Variants in DEPDC5 observed in about 807,000 individuals in gnomAD.
The protein encoded by DEPDC5 is GATOR1 complex protein DEPDC5.
A neutral mutation model predicts 217.3 loss-of-function variants in DEPDC5; 73 were observed. The observed-to-expected ratio is 0.34, with a 90% CI of 0.28 to 0.41. The LOEUF (loss-of-function observed/expected upper bound fraction) is 0.41. DEPDC5 is among the 10% of genes least tolerant of loss of function. DEPDC5 has a pLI of 1.00. For synonymous variants in DEPDC5, 733 were observed against 756.7 expected (o/e 0.97, Z 0.51); for missense variants, 1,675 against 2,070.1 (o/e 0.81, Z 3.70).
intron 7 of DEPDC5, among the ~76,000 whole-genome samples, chr22:31,772,598 T>C (rs2083457271): frequency 6.6e-6 from 1 of 152,142 alleles, no homozygotes; most frequent in Admixed American, 6.6e-5. Context: ...TTGCATATTC[T>C]GTGTGTTTCG....
intron 33 of DEPDC5, among the ~76,000 whole-genome samples, 190 bp downstream of exon 33, chr22:31,861,623 G>A (rs532234088): frequency 2.2e-4 from 34 of 152,326 alleles, no homozygotes; most frequent in African/African-American, 7.9e-4. Context: ...GATGGAAGAG[G>A]TTAATGTAGA....
chr22:31,868,766 T>C (rs2092757587), intron 33 of DEPDC5, among the ~76,000 whole-genome samples: 1 of 152,208 alleles, frequency 6.6e-6, no homozygotes, highest in Non-Finnish European at 1.5e-5. Context: ...GCTAACAAAA[T>C]ATCTGATAGA....
chr22:31,870,483 T>G (rs954247013), intron 33 of DEPDC5, 107 bp from the exon 34 acceptor site: 72 of 1,244,380 alleles, frequency 5.8e-5, no homozygotes, highest in Non-Finnish European at 6.1e-5. Context: ...AATTTTTGTT[T>G]ATTTTTTGTG....
At chr22:31,789,507 AT>A (rs953652469) in intron 10 of DEPDC5, among the ~76,000 whole-genome samples, 23 of 152,236 alleles carry the variant, frequency 1.5e-4, no homozygotes, top group African/African-American at 5.1e-4. Flanking sequence ...TCAGTTTGGG[AT>A]TTCCTGTTGG....
chr22:31,815,435 A>G (rs1298983189), intron 21 of DEPDC5: 11 of 676,222 alleles, frequency 1.6e-5, no homozygotes, highest in Non-Finnish European at 2.6e-5. Flanking sequence ...GATAAAGTGC[A>G]GTGATGCAAT....
At chr22:31,839,855 A>G (rs998682742) in intron 27 of DEPDC5, among the ~76,000 whole-genome samples, 2 of 152,174 alleles carry the variant, frequency 1.3e-5, no homozygotes, top group African/African-American at 2.4e-5. Context: ...GTTAATAAGT[A>G]TATGAATTTG....
intron 38 of DEPDC5, among the ~76,000 whole-genome samples, chr22:31,885,738 A>AG (rs2093293161): frequency 6.8e-6 from 1 of 146,122 alleles, no homozygotes; most frequent in African/African-American, 2.5e-5. Flanking sequence ...AAAAAAAAAA[A>AG]AAAAGAGACA....
chr22:31,847,070 C>G, intron 31 of DEPDC5, 103 bp downstream of exon 31: 4 of 1,527,250 alleles, frequency 2.6e-6, no homozygotes, highest in Non-Finnish European at 3.6e-6. Context: ...TTACAAGGAG[C>G]TTGTAATTAG....
At chr22:31,786,117 C>T (rs544460582) in intron 10 of DEPDC5, among the ~76,000 whole-genome samples, 5 of 151,846 alleles carry the variant, frequency 3.3e-5, no homozygotes, top group South Asian at 4.2e-4. Context: ...ATTAGCCAGG[C>T]GTGGTGGTTG....
At chr22:31,790,744 T>C (rs1294875464) in intron 10 of DEPDC5, among the ~76,000 whole-genome samples, 1 of 145,450 alleles carries the variant, frequency 6.9e-6, no homozygotes, top group Non-Finnish European at 1.5e-5. Context: ...TCTTTTTTTT[T>C]TTCTTTTTTT....
chr22:31,844,906 A>C, intron 29 of DEPDC5, 112 bp from the exon 30 acceptor site: 1 of 1,068,732 alleles, frequency 9.4e-7, no homozygotes, highest in Non-Finnish European at 1.4e-6. Context: ...AAATGAGCAC[A>C]TACTCATGGG....
chr22:31,823,005 A>T (rs1602171239), intron 24 of DEPDC5: 1 of 498,162 alleles, frequency 2.0e-6, no homozygotes, highest in East Asian at 3.8e-5. Context: ...GTCAAGCCAC[A>T]TTTATCATCA....
At chr22:31,826,903 T>G (rs941430324) in intron 24 of DEPDC5, among the ~76,000 whole-genome samples, 3 of 151,918 alleles carry the variant, frequency 2.0e-5, no homozygotes, top group Non-Finnish European at 4.4e-5. Context: ...CATAGTTTTT[T>G]TTTTTTTTTT....
intron 39 of DEPDC5, among the ~76,000 whole-genome samples, chr22:31,895,298 A>G (rs572635527): frequency 6.6e-6 from 1 of 152,186 alleles, no homozygotes; most frequent in Non-Finnish European, 1.5e-5. Context: ...AGATGTCACA[A>G]GTGCCAAGGT....
intron 23 of DEPDC5, among the ~76,000 whole-genome samples, chr22:31,822,114 C>T (rs1294862570): frequency 6.6e-6 from 1 of 152,216 alleles, no homozygotes; most frequent in Non-Finnish European, 1.5e-5. Context: ...AGAAACAACT[C>T]TTTTTGAACC....
Position 31,874,336 on chromosome 22 carries a change from G to A in DEPDC5, c.3627G>A (p.Glu1209=). The A allele has an allele frequency of 6.2e-7, 1 of 1,611,064 alleles. No individual in the cohort carries two copies. The highest frequency in any genetic ancestry group is 8.5e-7 in the Non-Finnish European group (1 of 1,178,714). The change falls in exon 36 of 43, where the codon GAG becomes GAA. Residue 1209 remains glutamate (E), a synonymous_variant. Coordinates refer to ENST00000651528, the MANE Select transcript of DEPDC5 (RefSeq NM_001242896.3). ...CACCGTACTGCTTCATCAGCGCGGA[G>A]GTGGTACACTGGTTGGTGAACCACG... ...GLSPYCFISA[E]VVHWLVNHVE...
chr22:31,781,329 G>A (rs556319092), intron 8 of DEPDC5, among the ~76,000 whole-genome samples: 6 of 152,196 alleles, frequency 3.9e-5, no homozygotes, highest in Non-Finnish European at 7.4e-5. Context: ...GGGGTCTTGT[G>A]TTATTCAGGG....
rs754898478 is a variant in DEPDC5, at chr22:31,874,258, C to T, written c.3564-15C>T. 14 of 1,603,240 alleles carry T rather than the reference C, an allele frequency of 8.7e-6. No individual in the cohort carries two copies. Among genetic ancestry groups the T allele is most frequent in the Admixed American group, 6.8e-5 (4 of 58,966 alleles). On this transcript the variant is annotated splice_polypyrimidine_tract_variant and intron_variant, in intron 35 of 42. Transcript: ENST00000651528. Reference sequence around the variant, plus strand: ...CACACATCCCCTGCTCCCCGTTCACCGTGTTGGAACCCAGGACAGGAGTCC... The same window carrying T: ...CACACATCCCCTGCTCCCCGTTCACTGTGTTGGAACCCAGGACAGGAGTCC...
chr22:31,903,016 C>G (rs1169413387), intron 41 of DEPDC5, among the ~76,000 whole-genome samples: 2 of 151,928 alleles, frequency 1.3e-5, no homozygotes, highest in African/African-American at 2.4e-5. Context: ...GTCTATCTTC[C>G]CAGGAACTAT....
Sources: gnomAD v4.1 joint callset for allele counts (sites outside exome capture counted in the v4.1 genomes callset) on GRCh38, gnomAD v4.1.1 for gene constraint, MANE v1.5 for transcripts, NCBI Gene and HGNC (gene_info 2026-07-23, HGNC 2026-07-21) for gene names.